Variants in INPP4B observed in about 807,000 individuals in gnomAD.
INPP4B encodes inositol polyphosphate 4-phosphatase type II.
INPP4B carries 55 observed loss-of-function variants against 122.5 expected under a neutral mutation model. The observed-to-expected ratio is 0.45, with a 90% confidence interval of 0.36 to 0.56. The LOEUF (loss-of-function observed/expected upper bound fraction) is 0.56, where lower values mean the gene tolerates loss of function less well. Ranked by LOEUF, INPP4B falls within the 20% of genes least tolerant of loss-of-function variation. INPP4B has a pLI of 0.00. For synonymous variants in INPP4B, 403 were observed against 388.7 expected (o/e 1.04, Z -0.43); for missense variants, 1,000 against 1,097.7 (o/e 0.91, Z 1.26).
intron 1 of INPP4B, among the ~76,000 whole-genome samples, chr4:142,730,647 A>G (rs980936911): frequency 7.9e-5 from 12 of 152,224 alleles, no homozygotes; most frequent in African/African-American, 2.7e-4. Context: ...TACCTTGTGC[A>G]GCAATTATAG....
At chr4:142,741,065 T>G (rs1480195822) in intron 1 of INPP4B, among the ~76,000 whole-genome samples, 1 of 152,006 alleles carries the variant, frequency 6.6e-6, no homozygotes, top group Non-Finnish European at 1.5e-5. Context: ...ATTCAGACTT[T>G]GTACAGTCAG....
chr4:142,559,661 C>G (rs1339937858), intron 2 of INPP4B, among the ~76,000 whole-genome samples: 1 of 152,078 alleles, frequency 6.6e-6, no homozygotes, highest in Non-Finnish European at 1.5e-5. Context: ...ACATATTTAT[C>G]TTGTAATCAT....
At chr4:142,275,791 G>A (rs1230757080) in intron 9 of INPP4B, among the ~76,000 whole-genome samples, 6 of 151,740 alleles carry the variant, frequency 4.0e-5, no homozygotes, top group African/African-American at 1.4e-4. Context: ...TCAGTTTTCT[G>A]CTCTTTTCTC....
chr4:142,123,991 A>G (rs1346404378), intron 19 of INPP4B, among the ~76,000 whole-genome samples: 1 of 152,028 alleles, frequency 6.6e-6, no homozygotes, highest in African/African-American at 2.4e-5. Flanking sequence ...AGCCATGAGG[A>G]TGGAGGCAGG....
At chr4:142,639,227 C>T (rs146379494) in intron 2 of INPP4B, among the ~76,000 whole-genome samples, 1 of 152,120 alleles carries the variant, frequency 6.6e-6, no homozygotes, top group Non-Finnish European at 1.5e-5. Context: ...CTGTAAGTTG[C>T]TTTTTTTGTA....
At position 142,152,066 on chromosome 4, in the gene INPP4B, C is replaced by CTTTTTTTTTTTTTTTTTTT. The variant is rs572092121; in HGVS notation, c.1564-6089_1564-6071dup. Among the ~76,000 whole-genome samples the CTTTTTTTTTTTTTTTTTTT allele has an allele frequency of 8.7e-4, 61 of 69,952 alleles. 10 individuals are homozygous for CTTTTTTTTTTTTTTTTTTT. Among genetic ancestry groups the CTTTTTTTTTTTTTTTTTTT allele is most frequent in the African/African-American group, 3.2e-3 (58 of 18,002 alleles). 45.9% of individuals were successfully genotyped at this position (69,952 alleles called of 152,430 possible). ...TGCCTAACATGCTTTTTTGTCTTTTCTTTTTTTTTTTTTTTTTTTTTTTTT... is the reference window on the plus strand; with the variant it reads ...TGCCTAACATGCTTTTTTGTCTTTTCTTTTTTTTTTTTTTTTTTTTTTTTTTTTTTTTTTTTTTTTTTTT... On this transcript the variant is annotated intron_variant, in intron 17 of 25. Coordinates refer to ENST00000262992, the MANE Select transcript of INPP4B (RefSeq NM_001101669.3).
intron 8 of INPP4B, among the ~76,000 whole-genome samples, chr4:142,309,013 C>T (rs1377392027): frequency 6.6e-6 from 1 of 152,102 alleles, no homozygotes; most frequent in Non-Finnish European, 1.5e-5. Flanking sequence ...GAACAAGTTG[C>T]TCCACTACTC....
At chr4:142,300,300 GCCTCT>G (rs1760858839) in intron 9 of INPP4B, among the ~76,000 whole-genome samples, 1 of 152,140 alleles carries the variant, frequency 6.6e-6, no homozygotes, top group South Asian at 2.1e-4. Context: ...AGACGATGGA[GCCTCT>G]CCTTATCGCT....
At chr4:142,325,207 A>G (rs531033499) in intron 7 of INPP4B, among the ~76,000 whole-genome samples, 12 of 152,222 alleles carry the variant, frequency 7.9e-5, no homozygotes, top group African/African-American at 2.9e-4. Context: ...TCCTACCCAA[A>G]CCGAACTCCT....
At chr4:142,127,714 A>T (rs1246470496) in intron 18 of INPP4B, among the ~76,000 whole-genome samples, 1 of 152,218 alleles carries the variant, frequency 6.6e-6, no homozygotes, top group Non-Finnish European at 1.5e-5. Flanking sequence ...GAGCAAGGTA[A>T]TATGTCTTTA....
chr4:142,698,490 C>T (rs1359070638), intron 2 of INPP4B, among the ~76,000 whole-genome samples: 4 of 152,080 alleles, frequency 2.6e-5, no homozygotes, highest in Admixed American at 6.6e-5. Context: ...TAGATCTTGT[C>T]ACTACCAATA....
intron 23 of INPP4B, among the ~76,000 whole-genome samples, chr4:142,097,383 T>C (rs1448883278): frequency 6.6e-6 from 1 of 151,932 alleles, no homozygotes. Context: ...GTCTCCTTAG[T>C]AGCTGGGATT....
At chr4:142,655,557 A>T (rs1242375922) in intron 2 of INPP4B, among the ~76,000 whole-genome samples, 1 of 152,170 alleles carries the variant, frequency 6.6e-6, no homozygotes, top group Non-Finnish European at 1.5e-5. Flanking sequence ...TTTTTTTAAA[A>T]ACCCTGCACC....
At chr4:142,042,183 C>CACTA (rs1324022668) in intron 25 of INPP4B, among the ~76,000 whole-genome samples, 10 of 152,152 alleles carry the variant, frequency 6.6e-5, no homozygotes, top group Non-Finnish European at 1.3e-4. Context: ...TATTAAGTTT[C>CACTA]ACTAACTCCT....
At chr4:142,157,609 G>A (rs1817913214) in intron 17 of INPP4B, among the ~76,000 whole-genome samples, 1 of 152,008 alleles carries the variant, frequency 6.6e-6, no homozygotes. Flanking sequence ...TGCCTTTGAA[G>A]GACAACAAGA....
At chr4:142,511,674 G>T (rs1315206205) in intron 2 of INPP4B, among the ~76,000 whole-genome samples, 2 of 152,072 alleles carry the variant, frequency 1.3e-5, no homozygotes, top group Admixed American at 1.3e-4. Flanking sequence ...AGAATACTTA[G>T]GCTGGGACTC....
At chr4:142,603,238 G>A (rs901692472) in intron 2 of INPP4B, among the ~76,000 whole-genome samples, 1 of 151,998 alleles carries the variant, frequency 6.6e-6, no homozygotes, top group Admixed American at 6.6e-5. Flanking sequence ...AGAGGGGTGT[G>A]GGGGGAGGGA....
At chr4:142,711,679 A>G (rs1763133036) in intron 2 of INPP4B, among the ~76,000 whole-genome samples, 1 of 152,154 alleles carries the variant, frequency 6.6e-6, no homozygotes, top group African/African-American at 2.4e-5. Context: ...GTGTATTAGT[A>G]TTAAGAGGTG....
At chr4:142,759,047 T>G (rs905118164) in intron 1 of INPP4B, among the ~76,000 whole-genome samples, 9 of 152,258 alleles carry the variant, frequency 5.9e-5, no homozygotes, top group Middle Eastern at 3.4e-3. Flanking sequence ...GACTGTCTCT[T>G]TATGCATGCT....
Sources: gnomAD v4.1 joint callset for allele counts (sites outside exome capture counted in the v4.1 genomes callset) on GRCh38, gnomAD v4.1.1 for gene constraint, MANE v1.5 for transcripts, NCBI Gene and HGNC (gene_info 2026-07-23, HGNC 2026-07-21) for gene names.